SEMA3B: variants seen among roughly 807,000 people sequenced by gnomAD.
SEMA3B encodes the protein semaphorin 3B, also known as semaphorin-3B.
In SEMA3B, 71 loss-of-function variants were observed where a neutral mutation model predicts 77.8. That is an observed-to-expected ratio of 0.91 (90% CI 0.75 to 1.11). SEMA3B has a LOEUF of 1.11. Among genes scored for constraint, SEMA3B ranks in the 50% most tolerant of loss-of-function variants. The probability of loss-of-function intolerance (pLI) is 0.00; values close to 1 mark genes in which losing one functional copy is unlikely to be tolerated. For synonymous variants in SEMA3B, 470 were observed against 452.9 expected (o/e 1.04, Z -0.48); for missense variants, 968 against 1,056.8 (o/e 0.92, Z 1.17).
In SEMA3B at chr3:50,270,696, A is replaced by T; in HGVS notation, c.331-194A>T. ...GCCTCTGAGTCATGGGAGGCTTTGC[A>T]GGCCTGTGCTTCCCCAGACACCCAC... On this transcript the variant is annotated intron_variant, in intron 3 of 16. Transcript: ENST00000616701. The surrounding 1 kb of genome is among the most constrained non-coding windows in gnomAD (Gnocchi z 4.7). 8.6e-7 allele frequency: 1 copy of T among 1,164,010 alleles called. No homozygotes were observed. The highest frequency in any genetic ancestry group is 1.2e-6 in the Non-Finnish European group (1 of 838,366). The allele number at this position is 1,164,010 out of a possible 1,614,324, so 72.1% of individuals were successfully genotyped here.
In SEMA3B at chr3:50,271,027, CAGGG is replaced by C; in HGVS notation, c.450+26_450+29del. ...GGGCAGAGGTAAGGCCGGATCTAGG[CAGGG>C]AGGGAGGTCAGGAGGGTAAGAAGGG... On this transcript the variant is annotated intron_variant, in intron 4 of 16. Transcript: ENST00000616701. 2 of 1,591,168 alleles carry C rather than the reference CAGGG, an allele frequency of 1.3e-6. No individual in the cohort carries two copies. Among genetic ancestry groups the C allele is most frequent in the Non-Finnish European group, 1.7e-6 (2 of 1,168,770 alleles).
Position 50,273,316 on chromosome 3 carries a change from T to C in SEMA3B, c.683T>C (p.Val228Ala), listed in dbSNP as rs782452691. 2.5e-6 allele frequency: 4 copies of C among 1,613,804 alleles called. No individual in the cohort carries two copies. Among genetic ancestry groups the C allele is most frequent in the Admixed American group, 3.3e-5 (2 of 60,004 alleles). The stretch of plus-strand genomic sequence containing the variant: ...CGGTCAGAGCCCAAGTTTGTCAAGG[T>C]ATTTTGGATCCCGGAGAGCGAGAAC... ...RWLNEPKFVK[V>A]FWIPESENPD... Residue 228 changes from valine (V) to alanine (A), a missense_variant, in exon 7 of 17, where the codon GTA becomes GCA. By Grantham distance (64) the Val-to-Ala change is moderately conservative (BLOSUM62 0). Coordinates refer to ENST00000616701, the MANE Select transcript of SEMA3B (RefSeq NM_001290060.2). The surrounding 1 kb of genome is among the most constrained non-coding windows in gnomAD (Gnocchi z 6.5).
In SEMA3B at chr3:50,274,083, CA is replaced by C; in HGVS notation, c.1137+28del. The C allele has an allele frequency of 6.2e-7, 1 of 1,607,872 alleles. No individual in the cohort carries two copies. The highest frequency in any genetic ancestry group is 8.5e-7 in the Non-Finnish European group (1 of 1,178,250). ...GTTCGTAGCCCAGGGACTTCTGCTA[CA>C]ACCCACTTCAAAGCCTCAAGGGTTT... On this transcript the variant is annotated intron_variant, in intron 10 of 16. Transcript: ENST00000616701. This position sits in a 1 kb window ranked among gnomAD's most constrained non-coding sequence, Gnocchi z 4.7.
Position 50,274,295 on chromosome 3 carries a change from C to A in SEMA3B, c.1138-68C>A. The A allele has an allele frequency of 1.5e-6, 2 of 1,298,680 alleles. No individual in the cohort carries two copies. The highest frequency in any genetic ancestry group is 2.1e-6 in the Non-Finnish European group (2 of 946,842). 80.4% of individuals were successfully genotyped at this position (1,298,680 alleles called of 1,614,324 possible). On this transcript the variant is annotated intron_variant, in intron 10 of 16. Coordinates refer to ENST00000616701, the MANE Select transcript of SEMA3B (RefSeq NM_001290060.2). The surrounding 1 kb of genome is among the most constrained non-coding windows in gnomAD (Gnocchi z 4.7). ...CCCCTCCATGTTCCCAGAGGCTGGG[C>A]ATGGAGGGCTGCCTATCAAGCCCCC...
At chr3:50,272,330 T>C (rs782257097) in intron 6 of SEMA3B, among the ~76,000 whole-genome samples, 1 of 152,170 alleles carries the variant, frequency 6.6e-6, no homozygotes, top group Non-Finnish European at 1.5e-5. Context: ...ATCTCAGCAC[T>C]TTGGGAGGCG....
upstream of SEMA3B, among the ~76,000 whole-genome samples, chr3:50,264,742 C>T (rs914506506): frequency 2.8e-4 from 43 of 152,212 alleles, no homozygotes; most frequent in African/African-American, 7.7e-4. Context: ...TCCACCCTGC[C>T]GGGCTCCAGA....
chr3:50,268,006 G>C (rs1553704737), upstream of SEMA3B, among the ~76,000 whole-genome samples: 2 of 152,062 alleles, frequency 1.3e-5, no homozygotes, highest in African/African-American at 4.8e-5. Flanking sequence ...CTGAGGGCCA[G>C]GGGGAGGTGT....
chr3:50,275,505 T>C lies in SEMA3B; in HGVS notation c.1649+46T>C. ...GCCGCCGGGAGGGAGGCGAAGGGTCTTTCACTGCCCGGGGCTGAAAGAAGG... is the reference window on the plus strand; with the variant it reads ...GCCGCCGGGAGGGAGGCGAAGGGTCCTTCACTGCCCGGGGCTGAAAGAAGG... On this transcript the variant is annotated intron_variant, in intron 14 of 16. Transcript: ENST00000616701. This position sits in a 1 kb window ranked among gnomAD's most constrained non-coding sequence, Gnocchi z 7.5. 6.2e-7 allele frequency: 1 copy of C among 1,612,454 alleles called. No individual in the cohort carries two copies. Among genetic ancestry groups the C allele is most frequent in the Non-Finnish European group, 8.5e-7 (1 of 1,179,146 alleles).
chr3:50,276,724 C>T lies in SEMA3B; in HGVS notation c.*18C>T. 1 of 1,475,052 alleles carries T rather than the reference C, an allele frequency of 6.8e-7. No homozygotes were observed. The highest frequency in any genetic ancestry group is 8.9e-7 in the Non-Finnish European group (1 of 1,122,234). The allele number at this position is 1,475,052 out of a possible 1,614,324, so 91.4% of individuals were successfully genotyped here. A position where few individuals can be genotyped will look rare whatever the true frequency, so the allele number is the denominator to read the frequency against. ...ACTGGTGACCAGACTGTCCCCACGCCGGGAACCAAGCAGGAGACGACAGGC... is the reference window on the plus strand; with the variant it reads ...ACTGGTGACCAGACTGTCCCCACGCTGGGAACCAAGCAGGAGACGACAGGC... On this transcript the variant is annotated 3_prime_UTR_variant, in exon 17 of 17. Coordinates refer to ENST00000616701, the MANE Select transcript of SEMA3B (RefSeq NM_001290060.2). The surrounding 1 kb of genome is among the most constrained non-coding windows in gnomAD (Gnocchi z 5.8).
Position 50,276,000 on chromosome 3 carries a change from C to T in SEMA3B, c.1845+156C>T. On this transcript the variant is annotated intron_variant, in intron 16 of 16. Coordinates refer to ENST00000616701, the MANE Select transcript of SEMA3B (RefSeq NM_001290060.2). This position sits in a 1 kb window ranked among gnomAD's most constrained non-coding sequence, Gnocchi z 7.5. ...TGCACTCCACAAGCTGCTGAGGCCC[C>T]ATTGCGTCCAACGGGGCTCCCGACC... The T allele has an allele frequency of 9.3e-7, 1 of 1,077,948 alleles. No homozygotes were observed. Among genetic ancestry groups the T allele is most frequent in the Admixed American group, 3.0e-5 (1 of 33,390 alleles). 66.8% of individuals were successfully genotyped at this position (1,077,948 alleles called of 1,614,324 possible).
Position 50,275,098 on chromosome 3 carries a change from T to C in SEMA3B, c.1491+45T>C. 2.0e-6 allele frequency: 3 copies of C among 1,537,262 alleles called. No individual in the cohort carries two copies. Among genetic ancestry groups the C allele is most frequent in the Non-Finnish European group, 2.6e-6 (3 of 1,139,304 alleles). On this transcript the variant is annotated intron_variant, in intron 13 of 16. Transcript: ENST00000616701. The surrounding 1 kb of genome is among the most constrained non-coding windows in gnomAD (Gnocchi z 7.5). The stretch of plus-strand genomic sequence containing the variant: ...GTCGGGGTGGGATGGACTGAGCTTG[T>C]GCCTGGCGCGTCCCAAGCCTCTGGC...
rs782374722 is a variant in SEMA3B, at chr3:50,274,401, G to T, written c.1176G>T (p.Lys392Asn). 3 of 1,499,370 alleles carry T rather than the reference G, an allele frequency of 2.0e-6. No individual in the cohort carries two copies. The highest frequency in any genetic ancestry group is 2.7e-6 in the Non-Finnish European group (3 of 1,124,922). The allele number at this position is 1,499,370 out of a possible 1,614,324, so 92.9% of individuals were successfully genotyped here. The change falls in exon 11 of 17, where the codon AAG (lysine) becomes AAT (asparagine). Residue 392 changes from lysine (K) to asparagine (N), a missense_variant. Lys to Asn is a moderately conservative substitution (Grantham distance 94). Transcript: ENST00000616701. The surrounding 1 kb of genome is among the most constrained non-coding windows in gnomAD (Gnocchi z 4.7). ...CCTTTGGCACCTTCAGTTCCACCAA[G>T]GACTTCCCAGACGATGTCATCCAGT... Reference protein sequence around the residue: ...SKTFGTFSSTKDFPDDVIQFA... With the variant: ...SKTFGTFSSTNDFPDDVIQFA...
intron 6 of SEMA3B, 80 bp downstream of exon 6, chr3:50,271,560 T>C: frequency 6.5e-7 from 1 of 1,537,314 alleles, no homozygotes; most frequent in East Asian, 2.5e-5. Flanking sequence ...ATAAAGTAAG[T>C]GAGCAGTGGG....
At chr3:50,265,089 T>G (rs1700875100), upstream of SEMA3B, among the ~76,000 whole-genome samples, 1 of 152,088 alleles carries the variant, frequency 6.6e-6, no homozygotes, top group Non-Finnish European at 1.5e-5. Flanking sequence ...CAGGGTTCCC[T>G]GGGAATGTGG....
At position 50,271,273 on chromosome 3, in the gene SEMA3B, C is replaced by A. The variant is rs1233440913; in HGVS notation, c.545-88C>A. The A allele has an allele frequency of 4.8e-5, 74 of 1,547,874 alleles. No homozygotes were observed. The Admixed American group carries it at 1.4e-3, about 30-fold the overall frequency. ...ACCCCCAAGAGCTCCAGGGAATCCC[C>A]CATAACCTCACTCACTCCCAGAGCT... On this transcript the variant is annotated intron_variant, in intron 5 of 16. Coordinates refer to ENST00000616701, the MANE Select transcript of SEMA3B (RefSeq NM_001290060.2).
At position 50,270,368 on chromosome 3, in the gene SEMA3B, CTCCCTGAGGTAGAGAATA is replaced by C. The variant is rs1345661226; in HGVS notation, c.268-60_268-43del. The C allele has an allele frequency of 8.7e-6, 14 of 1,609,984 alleles. No individual in the cohort carries two copies. In the African/African-American group the frequency reaches 1.5e-4, roughly 17 times the overall value. ...AGCCTGGAGAGACCCAGAGGAATGG[CTCCCTGAGGTAGAGAATA>C]TCCCAAGTTCCTGACCTGTGTCCCC... On this transcript the variant is annotated intron_variant, in intron 2 of 16. Transcript: ENST00000616701. This position sits in a 1 kb window ranked among gnomAD's most constrained non-coding sequence, Gnocchi z 4.7.
intron 6 of SEMA3B, 28 bp downstream of exon 6, chr3:50,271,508 G>A (rs1292151564): frequency 6.4e-7 from 1 of 1,552,622 alleles, no homozygotes; most frequent in African/African-American, 1.4e-5. Context: ...TTGGTGGGTA[G>A]AGGTCGTCAC....
Position 50,276,009 on chromosome 3 carries a change from C to G in SEMA3B, c.1845+165C>G. On this transcript the variant is annotated intron_variant, in intron 16 of 16. Coordinates refer to ENST00000616701, the MANE Select transcript of SEMA3B (RefSeq NM_001290060.2). The surrounding 1 kb of genome is among the most constrained non-coding windows in gnomAD (Gnocchi z 5.8). ...CAAGCTGCTGAGGCCCCATTGCGTC[C>G]AACGGGGCTCCCGACCCGCCTCCCC... 9.7e-7 allele frequency: 1 copy of G among 1,027,268 alleles called. No individual in the cohort carries two copies. The highest frequency in any genetic ancestry group is 1.4e-6 in the Non-Finnish European group (1 of 731,002). 63.6% of individuals were successfully genotyped at this position (1,027,268 alleles called of 1,614,324 possible).
chr3:50,276,612 TGC>T lies in SEMA3B; in HGVS notation c.2157_2158del (p.Leu721GlyfsTer8). 1 of 1,588,950 alleles carries T rather than the reference TGC, an allele frequency of 6.3e-7. No homozygotes were observed. The highest frequency in any genetic ancestry group is 1.3e-5 in the African/African-American group (1 of 74,328). ...CGCCCGCAGCCTGCGCTGCAGTCAC[TGC>T]CCCTGGAGTCGCGGAGAAAGGGCCG... On this transcript the variant is annotated frameshift_variant, in exon 17 of 17. Transcript: ENST00000616701. LOFTEE classifies it low-confidence loss of function (END_TRUNC). The surrounding 1 kb of genome is among the most constrained non-coding windows in gnomAD (Gnocchi z 5.8).
Sources: allele counts gnomAD v4.1 joint callset (sites outside exome capture counted in the v4.1 genomes callset), GRCh38; gene constraint gnomAD v4.1.1; non-coding constraint Gnocchi (gnomAD v3.1); transcripts MANE v1.5; gene names NCBI Gene and HGNC (gene_info 2026-07-23, HGNC 2026-07-21).